The following ZFAND3 variants were observed in gnomAD, a reference collection of about 807,000 sequenced individuals.
ZFAND3 encodes AN1-type zinc finger protein 3.
In ZFAND3, 10 loss-of-function variants were observed where a neutral mutation model predicts 29.6. The observed-to-expected ratio is 0.34, with a 90% CI of 0.21 to 0.57. ZFAND3 has a LOEUF of 0.57. Ranked by LOEUF, ZFAND3 falls within the 20% of genes least tolerant of loss-of-function variation. The pLI, the probability that ZFAND3 is intolerant of heterozygous loss-of-function variation, is 0.86. For missense variants in ZFAND3, 230 were observed against 304.5 expected, an observed-to-expected ratio of 0.76 and a Z score of 1.82; for synonymous variants, 128 against 112.6, an observed-to-expected ratio of 1.14 and a Z score of -0.87.
At chr6:38,069,517 G>A (rs1206389110) in intron 3 of ZFAND3, among the ~76,000 whole-genome samples, 1 of 152,082 alleles carries the variant, frequency 6.6e-6, no homozygotes, top group Non-Finnish European at 1.5e-5. Flanking sequence ...TTAATTTAAC[G>A]GTGTTTTTTT....
At chr6:38,074,606 A>G (rs1360324498) in intron 3 of ZFAND3, among the ~76,000 whole-genome samples, 2 of 152,280 alleles carry the variant, frequency 1.3e-5, no homozygotes, top group Non-Finnish European at 2.9e-5. Context: ...AAGGTGAAGC[A>G]GCAGTTGCTG....
Position 38,059,032 on chromosome 6 carries a change from A to G in ZFAND3, c.113-2561A>G, listed in dbSNP as rs557072409. On this transcript the variant is annotated intron_variant, in intron 2 of 5. Coordinates refer to ENST00000287218, the MANE Select transcript of ZFAND3 (RefSeq NM_021943.3). Reference sequence around the variant, plus strand: ...CTATGTCAAGTTGTAAGAATCTTGTACTTCTCTGAATTGATATAATAAACT... The same window carrying G: ...CTATGTCAAGTTGTAAGAATCTTGTGCTTCTCTGAATTGATATAATAAACT... 2.0e-5 allele frequency among the ~76,000 whole-genome samples: 3 copies of G among 152,322 alleles called. No homozygotes were observed. In the South Asian group the frequency reaches 6.2e-4, roughly 32 times the overall value.
chr6:38,029,786 A>T (rs2127450937), intron 2 of ZFAND3, among the ~76,000 whole-genome samples: 1 of 152,260 alleles, frequency 6.6e-6, no homozygotes, highest in South Asian at 2.1e-4. Context: ...ATCCTCATGC[A>T]TTTCCAGTAA....
At chr6:37,911,666 T>A (rs1457541909) in intron 1 of ZFAND3, among the ~76,000 whole-genome samples, 3 of 152,202 alleles carry the variant, frequency 2.0e-5, no homozygotes, top group Non-Finnish European at 4.4e-5. Context: ...TTTTTGCACT[T>A]ACTGGTTTGG....
intron 1 of ZFAND3, among the ~76,000 whole-genome samples, chr6:37,873,140 G>A (rs1210754940): frequency 1.3e-5 from 2 of 152,140 alleles, no homozygotes; most frequent in Admixed American, 6.5e-5. Context: ...GCGCGGTGGC[G>A]GGTGCCTGTA....
At chr6:38,036,181 C>T (rs939033840) in intron 2 of ZFAND3, among the ~76,000 whole-genome samples, 2 of 152,208 alleles carry the variant, frequency 1.3e-5, no homozygotes, top group Admixed American at 6.5e-5. Context: ...GAAAATCTAA[C>T]TGGCTAAGGA....
intron 1 of ZFAND3, among the ~76,000 whole-genome samples, chr6:37,866,612 A>G (rs1270728001): frequency 1.3e-5 from 2 of 152,334 alleles, no homozygotes; most frequent in Non-Finnish European, 1.5e-5. Context: ...ATTAAAAATT[A>G]GGTTACCCAG....
chr6:38,021,106 A>G (rs1201703254), intron 2 of ZFAND3, among the ~76,000 whole-genome samples: 2 of 152,224 alleles, frequency 1.3e-5, no homozygotes, highest in African/African-American at 4.8e-5. Context: ...GTAAAATTCA[A>G]CAATTCAGAA....
chr6:38,071,686 G>GT (rs1283694053), intron 3 of ZFAND3, among the ~76,000 whole-genome samples: 3 of 152,042 alleles, frequency 2.0e-5, no homozygotes, highest in Admixed American at 1.3e-4. Context: ...AAGGAATATA[G>GT]TTTGTCTTTA....
intron 1 of ZFAND3, among the ~76,000 whole-genome samples, chr6:37,846,638 G>A (rs549358492): frequency 6.6e-6 from 1 of 152,120 alleles, no homozygotes; most frequent in African/African-American, 2.4e-5. Flanking sequence ...CATCTAGAAA[G>A]AGGTGGAGCT....
intron 5 of ZFAND3, among the ~76,000 whole-genome samples, chr6:38,125,610 A>G (rs916058629): frequency 2.6e-5 from 4 of 152,204 alleles, no homozygotes; most frequent in Non-Finnish European, 5.9e-5. Flanking sequence ...TCTTTTTAGC[A>G]TACTTGCAGC....
intron 1 of ZFAND3, among the ~76,000 whole-genome samples, chr6:37,887,233 G>A (rs1765011633): frequency 6.6e-6 from 1 of 152,128 alleles, no homozygotes; most frequent in African/African-American, 2.4e-5. Flanking sequence ...ACAGAGAAAT[G>A]GAAGTAATTC....
intron 4 of ZFAND3, among the ~76,000 whole-genome samples, chr6:38,091,689 G>GC (rs1421158046): frequency 4.7e-5 from 5 of 107,138 alleles, no homozygotes; most frequent in Non-Finnish European, 1.0e-4. Context: ...CCATTAAGGA[G>GC]CCTTTTTTTT....
chr6:37,913,050 A>C (rs1765551547), intron 1 of ZFAND3, among the ~76,000 whole-genome samples: 1 of 152,224 alleles, frequency 6.6e-6, no homozygotes, highest in Non-Finnish European at 1.5e-5. Context: ...ATCTGCTAAC[A>C]ATCATCCAAA....
intron 1 of ZFAND3, among the ~76,000 whole-genome samples, chr6:37,902,546 T>C (rs941691795): frequency 4.6e-5 from 7 of 152,130 alleles, no homozygotes; most frequent in African/African-American, 1.7e-4. Flanking sequence ...GTAAAAATTA[T>C]AAAAGAAAAT....
intron 2 of ZFAND3, among the ~76,000 whole-genome samples, chr6:37,987,275 A>G (rs1024917603): frequency 1.8e-4 from 28 of 152,220 alleles, no homozygotes; most frequent in Admixed American, 1.3e-4. Flanking sequence ...AGAGGAATAC[A>G]TTTCTAGATT....
chr6:38,118,625 C>T (rs757880344), intron 5 of ZFAND3, among the ~76,000 whole-genome samples: 4 of 150,666 alleles, frequency 2.7e-5, no homozygotes, highest in Non-Finnish European at 5.9e-5. Context: ...GCTAATGCTT[C>T]TTCTTCTTGT....
At chr6:38,073,057 T>G (rs575905138) in intron 3 of ZFAND3, among the ~76,000 whole-genome samples, 1 of 152,190 alleles carries the variant, frequency 6.6e-6, no homozygotes, top group African/African-American at 2.4e-5. Context: ...AATTTCTGTT[T>G]AGTGTCACTC....
intron 2 of ZFAND3, among the ~76,000 whole-genome samples, chr6:38,047,359 T>A (rs1057075150): frequency 1.3e-5 from 2 of 151,574 alleles, no homozygotes; most frequent in African/African-American, 4.8e-5. Flanking sequence ...TCAAACCCAA[T>A]CTGACTTTTT....
Sources: allele counts gnomAD v4.1 joint callset (sites outside exome capture counted in the v4.1 genomes callset), GRCh38; gene constraint gnomAD v4.1.1; transcripts MANE v1.5; gene names NCBI Gene and HGNC (gene_info 2026-07-23, HGNC 2026-07-21).